CNRIP1: variants seen among roughly 807,000 people sequenced by gnomAD.
The protein encoded by CNRIP1 is CB1 cannabinoid receptor-interacting protein 1.
CNRIP1 carries 10 observed loss-of-function variants against 15.2 expected under a neutral mutation model. The observed-to-expected ratio is 0.66, with a 90% CI of 0.41 to 1.12. The LOEUF is 1.12. Ranked by LOEUF, CNRIP1 falls within the 50% of genes most tolerant of loss-of-function variation. The pLI, the probability that CNRIP1 is intolerant of heterozygous loss-of-function variation, is 0.00. For synonymous variants in CNRIP1, 91 were observed against 83.2 expected, an observed-to-expected ratio of 1.09 and a Z score of -0.51; for missense variants, 211 against 214.7, an observed-to-expected ratio of 0.98 and a Z score of 0.11.
intron 2 of CNRIP1, among the ~76,000 whole-genome samples, chr2:68,306,877 A>C (rs1671874880): frequency 6.6e-6 from 1 of 152,104 alleles, no homozygotes; most frequent in Admixed American, 6.5e-5. Context: ...TTACAATCAC[A>C]CCAAACAGGA....
intron 2 of CNRIP1, among the ~76,000 whole-genome samples, chr2:68,296,558 A>ATG (rs1267128146): frequency 1.0e-5 from 1 of 96,558 alleles, no homozygotes; most frequent in African/African-American, 3.6e-5. Flanking sequence ...ATGTGTATAT[A>ATG]TGTGTATGTG....
chr2:68,287,540 C>T (rs1001502099), intron 2 of CNRIP1, among the ~76,000 whole-genome samples: 1 of 152,214 alleles, frequency 6.6e-6, no homozygotes, highest in Admixed American at 6.5e-5. Context: ...TGCTATGGGT[C>T]CAACAAAAGG....
chr2:68,300,590 C>G (rs1671567856), intron 2 of CNRIP1, among the ~76,000 whole-genome samples: 5 of 151,628 alleles, frequency 3.3e-5, no homozygotes, highest in Admixed American at 3.3e-4. Context: ...GCACTCCAGC[C>G]TGGGCATCAG....
intron 2 of CNRIP1, among the ~76,000 whole-genome samples, chr2:68,298,989 A>G (rs1219317655): frequency 1.3e-5 from 2 of 152,178 alleles, no homozygotes; most frequent in Non-Finnish European, 2.9e-5. Flanking sequence ...GTATATTTGT[A>G]TAGCACCCTA....
chr2:68,287,664 A>T (rs190127236), intron 2 of CNRIP1, among the ~76,000 whole-genome samples: 104 of 152,282 alleles, frequency 6.8e-4, no homozygotes, highest in Admixed American at 6.5e-3. Flanking sequence ...CATTGCACAG[A>T]CTGTTGGATA....
At chr2:68,287,965 A>G (rs1237689923) in intron 2 of CNRIP1, among the ~76,000 whole-genome samples, 1 of 152,176 alleles carries the variant, frequency 6.6e-6, no homozygotes, top group East Asian at 1.9e-4. Flanking sequence ...TTTCTTTCTC[A>G]TCCACTTTCC....
At position 68,319,525 on chromosome 2, in the gene CNRIP1, GGCTGCCGCTAGGAACCCGCGCCGTC is replaced by G. The variant is rs1467582640; in HGVS notation, c.-150_-126del. 2 of 1,058,680 alleles carry G rather than the reference GGCTGCCGCTAGGAACCCGCGCCGTC, an allele frequency of 1.9e-6. No homozygotes were observed. Among genetic ancestry groups the G allele is most frequent in the Admixed American group, 6.8e-5 (2 of 29,272 alleles). The allele number at this position is 1,058,680 out of a possible 1,614,324, so 65.6% of individuals were successfully genotyped here. On this transcript the variant is annotated 5_prime_UTR_variant, in exon 1 of 3. It removes the in-frame stop codon of an upstream open reading frame in the 5' UTR. Coordinates refer to ENST00000263655, the MANE Select transcript of CNRIP1 (RefSeq NM_015463.3). ...AGGGTGAGGGAGGTGGTGGAGCTGA[GGCTGCCGCTAGGAACCCGCGCCGTC>G]GCCGCCGTCCGCCCGGGCTTTTGAG...
At chr2:68,305,259 A>AAAAAATAT (rs1267101468) in intron 2 of CNRIP1, among the ~76,000 whole-genome samples, 2 of 100,366 alleles carry the variant, frequency 2.0e-5, no homozygotes, top group African/African-American at 7.3e-5. Flanking sequence ...AAAAAAAAAA[A>AAAAAATAT]ATATATATAT....
chr2:68,309,682 C>T (rs1025453746), intron 2 of CNRIP1, among the ~76,000 whole-genome samples: 5 of 151,896 alleles, frequency 3.3e-5, no homozygotes, highest in Admixed American at 6.6e-5. Context: ...AAAATGACAG[C>T]CCTATCTGTT....
At chr2:68,305,175 C>G (rs1402070351) in intron 2 of CNRIP1, among the ~76,000 whole-genome samples, 1 of 147,850 alleles carries the variant, frequency 6.8e-6, no homozygotes, top group Non-Finnish European at 1.5e-5. Context: ...ACCCGGGAGG[C>G]AGAGGTTGCG....
chr2:68,293,588 A>G lies in CNRIP1; in HGVS notation c.*274T>C. On this transcript the variant is annotated 3_prime_UTR_variant, in exon 3 of 3. Coordinates refer to ENST00000263655, the MANE Select transcript of CNRIP1 (RefSeq NM_015463.3). Reference sequence around the variant, plus strand: ...GCCAGGGCCACTGAACTCCAGTCACAAGTGGTCAAAAGTATGACCGAGAAC... The same window carrying G: ...GCCAGGGCCACTGAACTCCAGTCACGAGTGGTCAAAAGTATGACCGAGAAC... 4 of 1,105,256 alleles carry G rather than the reference A, an allele frequency of 3.6e-6. No individual in the cohort carries two copies. The highest frequency in any genetic ancestry group is 2.2e-6 in the Non-Finnish European group (2 of 902,016). 68.5% of individuals were successfully genotyped at this position (1,105,256 alleles called of 1,614,324 possible).
At chr2:68,296,564 A>ATGTGTATGTGTGTGTG (rs1553414295) in intron 2 of CNRIP1, among the ~76,000 whole-genome samples, 5 of 151,016 alleles carry the variant, frequency 3.3e-5, no homozygotes, top group African/African-American at 1.2e-4. Context: ...ATATATGTGT[A>ATGTGTATGTGTGTGTG]TGTGTGTGTG....
At chr2:68,301,784 T>C (rs968747011) in intron 2 of CNRIP1, among the ~76,000 whole-genome samples, 4 of 149,162 alleles carry the variant, frequency 2.7e-5, no homozygotes, top group Admixed American at 6.8e-5. Context: ...CCCAGCTACT[T>C]GGGAGGCTGA....
chr2:68,288,494 C>T (rs1400697748), downstream of CNRIP1, among the ~76,000 whole-genome samples: 1 of 152,042 alleles, frequency 6.6e-6, no homozygotes, highest in Non-Finnish European at 1.5e-5. Context: ...AAAGTACTAG[C>T]GTAGGGCCAA....
At chr2:68,284,610 G>A (rs112051822) in intron 2 of CNRIP1, 106 of 515,676 alleles carry the variant, frequency 2.1e-4, no homozygotes, top group African/African-American at 1.6e-3. Context: ...TCAGGAGTTC[G>A]AGACCAGCTG....
intron 2 of CNRIP1, chr2:68,316,340 C>T (rs911239769): frequency 2.6e-5 from 4 of 152,134 alleles, no homozygotes; most frequent in Non-Finnish European, 4.4e-5. Flanking sequence ...TTTGAGAACC[C>T]TTGTGATACT....
At chr2:68,294,439 T>G (rs1671273043) in intron 2 of CNRIP1, among the ~76,000 whole-genome samples, 1 of 152,170 alleles carries the variant, frequency 6.6e-6, no homozygotes, top group Admixed American at 6.5e-5. Flanking sequence ...GATGCTAGCT[T>G]GAAGCCAGGG....
rs1009489352 is a variant in CNRIP1, at chr2:68,310,789, A to G, written c.330+6368T>C. Among the ~76,000 whole-genome samples, 3 of 152,268 alleles carry G rather than the reference A, an allele frequency of 2.0e-5. No individual in the cohort carries two copies. The South Asian group carries it at 6.2e-4, about 32-fold the overall frequency. ...TTGGATTTATTAACTACTTCAAACCAGCAATTACAAATGTGCTCAGATAAA... is the reference window on the plus strand; with the variant it reads ...TTGGATTTATTAACTACTTCAAACCGGCAATTACAAATGTGCTCAGATAAA... On this transcript the variant is annotated intron_variant, in intron 2 of 2. Transcript: ENST00000263655.
chr2:68,313,042 A>G (rs1672147953), intron 2 of CNRIP1, among the ~76,000 whole-genome samples: 1 of 152,108 alleles, frequency 6.6e-6, no homozygotes, highest in Non-Finnish European at 1.5e-5. Flanking sequence ...CTCATTCTAA[A>G]ATCTATATAA....
Sources: allele counts gnomAD v4.1 joint callset (sites outside exome capture counted in the v4.1 genomes callset), GRCh38; gene constraint gnomAD v4.1.1; transcripts MANE v1.5; gene names NCBI Gene and HGNC (gene_info 2026-07-23, HGNC 2026-07-21).